The following FGD4 variants were observed in gnomAD, a reference collection of about 807,000 sequenced individuals.
The protein encoded by FGD4 is FYVE, RhoGEF and PH domain-containing protein 4.
A neutral mutation model predicts 102.0 loss-of-function variants in FGD4; 42 were observed. The ratio of observed to expected loss-of-function variants is 0.41; its 90% CI spans 0.32 to 0.53. The LOEUF (loss-of-function observed/expected upper bound fraction) is 0.53, where lower values mean the gene tolerates loss of function less well. Among genes scored for constraint, FGD4 ranks in the 20% least tolerant of loss-of-function variants. The probability of loss-of-function intolerance (pLI) is 0.21; values close to 1 mark genes in which losing one functional copy is unlikely to be tolerated. For synonymous variants in FGD4, 380 were observed against 375.7 expected, an observed-to-expected ratio of 1.01 and a Z score of -0.13; for missense variants, 902 against 1,078.2, an observed-to-expected ratio of 0.84 and a Z score of 2.29.
At chr12:32,604,622 T>A (rs1948646261) in intron 7 of FGD4, among the ~76,000 whole-genome samples, 1 of 152,198 alleles carries the variant, frequency 6.6e-6, no homozygotes, top group Admixed American at 6.5e-5. Context: ...CTCACTCACC[T>A]CAGGGATCTT....
In FGD4 at chr12:32,399,855, C is replaced by T; in HGVS notation, c.62C>T (p.Ser21Phe). 4 of 1,531,498 alleles carry T rather than the reference C, an allele frequency of 2.6e-6. No individual in the cohort carries two copies. The highest frequency in any genetic ancestry group is 3.5e-6 in the Non-Finnish European group (4 of 1,145,258). The allele number at this position is 1,531,498 out of a possible 1,614,324, so 94.9% of individuals were successfully genotyped here. Residue 21 changes from serine to phenylalanine, a missense_variant, in exon 1 of 17, where the codon TCC becomes TTC. Transcript: ENST00000534526. ...RVAIRRKSNP[S>F]YLPPGVPRPW... ...GCGATCCGGCGGAAGTCCAACCCCT[C>T]CTACCTGCCGCCCGGGGTGCCCCGG...
chr12:32,521,921 C>T (rs1469060785), intron 1 of FGD4, among the ~76,000 whole-genome samples: 2 of 151,936 alleles, frequency 1.3e-5, no homozygotes, highest in Middle Eastern at 3.2e-3. Context: ...AGCATAGTAC[C>T]GAAGACCTGT....
chr12:32,437,067 CCACTGCA>C (rs930580329), intron 1 of FGD4, among the ~76,000 whole-genome samples: 4 of 150,020 alleles, frequency 2.7e-5, no homozygotes, highest in African/African-American at 9.9e-5. Flanking sequence ...CGAGATTGCA[CCACTGCA>C]CCCCAGTCTG....
intron 1 of FGD4, among the ~76,000 whole-genome samples, chr12:32,441,541 G>C (rs1465187014): frequency 2.6e-5 from 4 of 151,960 alleles, no homozygotes; most frequent in South Asian, 4.2e-4. Flanking sequence ...CAAAATGCAA[G>C]ATAACGTCCT....
At chr12:32,530,415 G>A (rs750937292) in intron 1 of FGD4, among the ~76,000 whole-genome samples, 3 of 152,124 alleles carry the variant, frequency 2.0e-5, no homozygotes, top group East Asian at 1.9e-4. Context: ...CCCAGGAGGC[G>A]GAGGTTGCAG....
At chr12:32,468,153 C>T (rs1405487444) in intron 1 of FGD4, among the ~76,000 whole-genome samples, 1 of 152,062 alleles carries the variant, frequency 6.6e-6, no homozygotes, top group Non-Finnish European at 1.5e-5. Context: ...AGCATTCCTC[C>T]CACCTCAGCC....
intron 1 of FGD4, among the ~76,000 whole-genome samples, chr12:32,447,961 GTTTGT>G: frequency 6.6e-6 from 1 of 152,200 alleles, no homozygotes; most frequent in African/African-American, 2.4e-5. Context: ...TATTTTCACT[GTTTGT>G]TTTTGTGTCT....
At chr12:32,607,666 C>A (rs1948868433) in intron 7 of FGD4, among the ~76,000 whole-genome samples, 2 of 152,202 alleles carry the variant, frequency 1.3e-5, no homozygotes, top group Non-Finnish European at 2.9e-5. Context: ...AGGCGTGTGC[C>A]ACCACGCCTG....
chr12:32,433,888 G>T (rs1297856228), intron 1 of FGD4, among the ~76,000 whole-genome samples: 3 of 151,422 alleles, frequency 2.0e-5, no homozygotes, highest in East Asian at 2.0e-4. Flanking sequence ...ACGGAGTCTT[G>T]CTCTGTCGCC....
chr12:32,629,163 T>C (rs1277853086), intron 14 of FGD4, among the ~76,000 whole-genome samples: 1 of 152,154 alleles, frequency 6.6e-6, no homozygotes, highest in Non-Finnish European at 1.5e-5. Flanking sequence ...AGAGATGCCA[T>C]GGTAAGATGC....
intron 5 of FGD4, among the ~76,000 whole-genome samples, chr12:32,599,217 G>A (rs529079710): frequency 5.1e-4 from 77 of 151,750 alleles, no homozygotes; most frequent in Admixed American, 1.3e-3. Flanking sequence ...CTTTTGGGCT[G>A]GGCGCGGTGG....
chr12:32,427,985 C>T (rs1264545567), intron 1 of FGD4, among the ~76,000 whole-genome samples: 1 of 152,158 alleles, frequency 6.6e-6, no homozygotes, highest in Non-Finnish European at 1.5e-5. Context: ...CTCCTGAATA[C>T]AGCACACCAA....
intron 1 of FGD4, among the ~76,000 whole-genome samples, chr12:32,447,513 G>A (rs1057017723): frequency 6.6e-6 from 1 of 152,038 alleles, no homozygotes; most frequent in Non-Finnish European, 1.5e-5. Context: ...TTAGATTCCC[G>A]ACTTAAGGTG....
At chr12:32,484,692 T>A (rs1379722304) in intron 1 of FGD4, among the ~76,000 whole-genome samples, 1 of 151,996 alleles carries the variant, frequency 6.6e-6, no homozygotes, top group Non-Finnish European at 1.5e-5. Flanking sequence ...GCCAACATGG[T>A]GAAACCCCAC....
At chr12:32,573,602 CAG>C (rs1945871919) in intron 2 of FGD4, among the ~76,000 whole-genome samples, 1 of 152,168 alleles carries the variant, frequency 6.6e-6, no homozygotes, top group Non-Finnish European at 1.5e-5. Context: ...TTTTCTAAGA[CAG>C]TGTGTCTAAC....
intron 1 of FGD4, among the ~76,000 whole-genome samples, chr12:32,471,592 T>G (rs1415776359): frequency 6.6e-6 from 1 of 152,222 alleles, no homozygotes; most frequent in Non-Finnish European, 1.5e-5. Flanking sequence ...TGTAATAAAC[T>G]ACTCTAAAGC....
intron 1 of FGD4, among the ~76,000 whole-genome samples, chr12:32,531,484 T>A (rs141047230): frequency 1.3e-3 from 199 of 152,352 alleles, no homozygotes; most frequent in African/African-American, 4.6e-3. Flanking sequence ...CCACCAGCCC[T>A]GGCAACCTTG....
intron 1 of FGD4, among the ~76,000 whole-genome samples, chr12:32,477,206 T>G (rs531934736): frequency 6.6e-6 from 1 of 151,954 alleles, no homozygotes; most frequent in East Asian, 1.9e-4. Flanking sequence ...GAGAATCGCT[T>G]GAACCCAGAA....
intron 1 of FGD4, among the ~76,000 whole-genome samples, chr12:32,480,744 C>T (rs1278295137): frequency 6.6e-6 from 1 of 151,306 alleles, no homozygotes; most frequent in Non-Finnish European, 1.5e-5. Context: ...CGTGATCCGC[C>T]CTCCTTGGCC....
Sources: gnomAD v4.1 joint callset for allele counts (sites outside exome capture counted in the v4.1 genomes callset) on GRCh38, gnomAD v4.1.1 for gene constraint, MANE v1.5 for transcripts, NCBI Gene and HGNC (gene_info 2026-07-23, HGNC 2026-07-21) for gene names.